CDH12: variants seen among roughly 807,000 people sequenced by gnomAD.
CDH12 encodes the protein cadherin 12.
Under a neutral mutation model 74.1 loss-of-function variants are expected in CDH12, and 41 were observed. That is an observed-to-expected ratio of 0.55 (90% CI 0.43 to 0.72). The LOEUF (loss-of-function observed/expected upper bound fraction) is 0.72, where lower values mean the gene tolerates loss of function less well. Ranked by LOEUF, CDH12 falls within the 30% of genes least tolerant of loss-of-function variation. The pLI is 0.00. For missense variants in CDH12, 945 were observed against 977.2 expected, an observed-to-expected ratio of 0.97 and a Z score of 0.44; for synonymous variants, 399 against 355.0, an observed-to-expected ratio of 1.12 and a Z score of -1.39.
intron 2 of CDH12, among the ~76,000 whole-genome samples, chr5:22,482,114 G>A (rs1284991976): frequency 6.6e-6 from 1 of 152,052 alleles, no homozygotes; most frequent in Non-Finnish European, 1.5e-5. Context: ...TTGGGATAGG[G>A]ACTACTTGAG....
intron 6 of CDH12, among the ~76,000 whole-genome samples, chr5:21,973,424 C>T (rs1042015661): frequency 5.3e-5 from 8 of 152,166 alleles, no homozygotes; most frequent in African/African-American, 1.9e-4. Context: ...TGCTTTCTCA[C>T]TTACCTACAC....
intron 4 of CDH12, among the ~76,000 whole-genome samples, chr5:22,108,151 C>T (rs573355814): frequency 3.3e-5 from 5 of 152,272 alleles, no homozygotes; most frequent in African/African-American, 1.2e-4. Context: ...ATCATAGGGG[C>T]AATTTCCCCC....
chr5:22,823,205 G>A (rs1482374365), intron 1 of CDH12, among the ~76,000 whole-genome samples: 3 of 148,704 alleles, frequency 2.0e-5, no homozygotes, highest in Non-Finnish European at 4.5e-5. Flanking sequence ...GACACAGGAA[G>A]GGGAACATCA....
intron 4 of CDH12, among the ~76,000 whole-genome samples, chr5:22,084,800 A>C (rs1015231310): frequency 1.3e-5 from 2 of 152,156 alleles, no homozygotes; most frequent in Admixed American, 1.3e-4. Context: ...GAAGGACTCC[A>C]GTTCTTAAGT....
chr5:22,164,147 G>A lies in CDH12; in HGVS notation c.-187+48351C>T, dbSNP rs1748528533. On this transcript the variant is annotated intron_variant, in intron 4 of 14. Transcript: ENST00000382254. ...TCCCAGAGCTCCCAAGATGGTCGTG[G>A]GCCACTTCCAAAATGGCGGCGGGCC... Among the ~76,000 whole-genome samples the A allele has an allele frequency of 4.6e-5, 7 of 152,068 alleles. 1 individual carries two copies. The highest frequency in any genetic ancestry group is 4.6e-4 in the Admixed American group (7 of 15,268).
intron 1 of CDH12, among the ~76,000 whole-genome samples, chr5:22,507,594 CT>C (rs1304854816): frequency 6.6e-6 from 1 of 152,096 alleles, no homozygotes; most frequent in African/African-American, 2.4e-5. Context: ...CAAACAAAAT[CT>C]TTAGGTTTAA....
chr5:22,470,778 T>C (rs1447319571), intron 2 of CDH12, among the ~76,000 whole-genome samples: 1 of 151,994 alleles, frequency 6.6e-6, no homozygotes, highest in African/African-American at 2.4e-5. Flanking sequence ...TATGAAGCTA[T>C]AATATCTATA....
chr5:21,825,477 G>A (rs1041822254), intron 8 of CDH12, among the ~76,000 whole-genome samples: 3 of 152,076 alleles, frequency 2.0e-5, no homozygotes, highest in Admixed American at 2.0e-4. Context: ...TATTCTTGAT[G>A]AGACACAAAC....
Position 21,751,988 on chromosome 5 carries a change from C to T in CDH12, c.2134G>A (p.Asp712Asn). The T allele has an allele frequency of 6.2e-7, 1 of 1,614,092 alleles. No homozygotes were observed. Among genetic ancestry groups the T allele is most frequent in the Middle Eastern group, 1.6e-4 (1 of 6,062 alleles). ...CTTTGATGAATGAAATCCCTTATGT[C>T]TGTGTTATCTTCCATGGGTGGTCTC... ...RQRPPMEDNT[D>N]IRDFIHQRLQ... The change falls in exon 15 of 15, where the codon GAC (aspartate) becomes AAC (asparagine). Residue 712 changes from aspartate (D) to asparagine (N), a missense_variant. Physicochemically the swap from Asp to Asn is conservative, Grantham distance 23. Coordinates refer to ENST00000382254, the MANE Select transcript of CDH12 (RefSeq NM_004061.5).
At chr5:22,270,203 A>G (rs1736327062) in intron 3 of CDH12, among the ~76,000 whole-genome samples, 1 of 152,206 alleles carries the variant, frequency 6.6e-6, no homozygotes, top group Non-Finnish European at 1.5e-5. Context: ...ATTATTGCAT[A>G]AGTAAATCAC....
At chr5:21,923,770 T>C (rs1178248830) in intron 6 of CDH12, among the ~76,000 whole-genome samples, 1 of 152,240 alleles carries the variant, frequency 6.6e-6, no homozygotes, top group African/African-American at 2.4e-5. Context: ...GGTATAATTT[T>C]TAACCATTAC....
At chr5:22,074,298 A>T (rs935947701) in intron 5 of CDH12, among the ~76,000 whole-genome samples, 3 of 152,188 alleles carry the variant, frequency 2.0e-5, no homozygotes, top group Admixed American at 6.6e-5. Context: ...CTTACACCTT[A>T]TACAAAAGTT....
chr5:21,960,883 C>T (rs1037616514), intron 6 of CDH12, among the ~76,000 whole-genome samples: 14 of 152,098 alleles, frequency 9.2e-5, no homozygotes, highest in South Asian at 2.1e-4. Context: ...TCTCAATCAA[C>T]GCAAAAACCA....
At chr5:21,849,054 G>A (rs1336287713) in intron 7 of CDH12, among the ~76,000 whole-genome samples, 1 of 151,862 alleles carries the variant, frequency 6.6e-6, no homozygotes, top group East Asian at 1.9e-4. Flanking sequence ...CCAGTAATGT[G>A]AAACTCACAA....
At chr5:22,137,412 C>T (rs1196577755) in intron 4 of CDH12, among the ~76,000 whole-genome samples, 2 of 152,004 alleles carry the variant, frequency 1.3e-5, no homozygotes, top group Non-Finnish European at 2.9e-5. Flanking sequence ...CTCTCCCTCT[C>T]TCTGGATGCT....
intron 3 of CDH12, among the ~76,000 whole-genome samples, chr5:22,372,263 A>T (rs1741326029): frequency 6.6e-6 from 1 of 152,126 alleles, no homozygotes; most frequent in Non-Finnish European, 1.5e-5. Flanking sequence ...CATCTAAGAG[A>T]GAGAGCACTG....
At chr5:22,619,752 G>A (rs1452710884) in intron 1 of CDH12, among the ~76,000 whole-genome samples, 1 of 151,440 alleles carries the variant, frequency 6.6e-6, no homozygotes, top group Non-Finnish European at 1.5e-5. Flanking sequence ...AGTCTCCACT[G>A]TTTACTGGTA....
intron 5 of CDH12, among the ~76,000 whole-genome samples, chr5:22,011,157 T>C (rs1183408189): frequency 1.3e-5 from 2 of 152,106 alleles, no homozygotes; most frequent in Non-Finnish European, 2.9e-5. Context: ...GCAGCATTTA[T>C]GAAGGCATGC....
At chr5:22,557,567 A>T (rs1738852755) in intron 1 of CDH12, among the ~76,000 whole-genome samples, 1 of 152,124 alleles carries the variant, frequency 6.6e-6, no homozygotes, top group Non-Finnish European at 1.5e-5. Context: ...AACGTAATAT[A>T]TAAAAGTCAG....
Sources: gnomAD v4.1 joint callset for allele counts (sites outside exome capture counted in the v4.1 genomes callset) on GRCh38, gnomAD v4.1.1 for gene constraint, MANE v1.5 for transcripts, NCBI Gene and HGNC (gene_info 2026-07-23, HGNC 2026-07-21) for gene names.